The following EYS variants were observed in gnomAD, a reference collection of about 807,000 sequenced individuals.
The protein encoded by EYS is EGF-like photoreceptor maintenance factor, also known as protein eyes shut homolog.
In EYS, 250 loss-of-function variants were observed where a neutral mutation model predicts 282.1. That is an observed-to-expected ratio of 0.89 (90% CI 0.80 to 0.98). The LOEUF (loss-of-function observed/expected upper bound fraction) is 0.98, where lower values mean the gene tolerates loss of function less well. Among genes scored for constraint, EYS ranks in the 50% least tolerant of loss-of-function variants. The probability of loss-of-function intolerance (pLI) is 0.00; values close to 1 mark genes in which losing one functional copy is unlikely to be tolerated. For missense variants in EYS, 4,016 were observed against 3,709.0 expected (o/e 1.08, Z -2.15); for synonymous variants, 1,355 against 1,282.9 (o/e 1.06, Z -1.20).
At chr6:63,774,457 C>T (rs923827470) in intron 40 of EYS, among the ~76,000 whole-genome samples, 3 of 152,172 alleles carry the variant, frequency 2.0e-5, no homozygotes, top group African/African-American at 7.2e-5. Context: ...GCATGAGCCA[C>T]GATGACAGGG....
At chr6:65,017,887 C>A (rs1373636405) in intron 13 of EYS, among the ~76,000 whole-genome samples, 1 of 152,116 alleles carries the variant, frequency 6.6e-6, no homozygotes, top group Non-Finnish European at 1.5e-5. Context: ...AGAGGCCAAA[C>A]TTCCTGGAAC....
intron 4 of EYS, chr6:65,491,444 T>C: frequency 3.2e-6 from 1 of 311,098 alleles, no homozygotes; most frequent in South Asian, 2.8e-5. Context: ...TTTGGCAATA[T>C]GTTTTTTTCC....
chr6:64,577,415 T>G (rs919748277), intron 26 of EYS, among the ~76,000 whole-genome samples: 1 of 152,028 alleles, frequency 6.6e-6, no homozygotes, highest in Non-Finnish European at 1.5e-5. Context: ...ACCTCTGCTC[T>G]CTCTCTCAAT....
chr6:65,345,930 G>A (rs1190205736), intron 9 of EYS, among the ~76,000 whole-genome samples: 1 of 151,734 alleles, frequency 6.6e-6, no homozygotes, highest in Non-Finnish European at 1.5e-5. Flanking sequence ...GGTTTAAAAA[G>A]CATCTGAGAA....
At chr6:63,747,758 C>T (rs1769245664) in intron 41 of EYS, among the ~76,000 whole-genome samples, 1 of 152,026 alleles carries the variant, frequency 6.6e-6, no homozygotes, top group African/African-American at 2.4e-5. Flanking sequence ...TTATCAGAGA[C>T]TAGGATTGCA....
At chr6:65,265,071 A>G (rs964480674) in intron 12 of EYS, among the ~76,000 whole-genome samples, 1 of 152,020 alleles carries the variant, frequency 6.6e-6, no homozygotes, top group African/African-American at 2.4e-5. Context: ...ATGGGCAACA[A>G]CAGAAATTGG....
At chr6:65,127,207 T>TA (rs1172209773) in intron 12 of EYS, among the ~76,000 whole-genome samples, 3 of 152,000 alleles carry the variant, frequency 2.0e-5, no homozygotes, top group South Asian at 2.1e-4. Flanking sequence ...AGAAAAATAC[T>TA]AAAAAAATAC....
chr6:64,689,164 C>T (rs1268745369), intron 22 of EYS, among the ~76,000 whole-genome samples: 1 of 152,016 alleles, frequency 6.6e-6, no homozygotes, highest in Non-Finnish European at 1.5e-5. Flanking sequence ...ACAAGCATTC[C>T]TATACACTAA....
At chr6:63,951,714 C>G (rs1182808844) in intron 35 of EYS, among the ~76,000 whole-genome samples, 14 of 152,124 alleles carry the variant, frequency 9.2e-5, no homozygotes, top group Admixed American at 9.2e-4. Flanking sequence ...CCTACCTGCC[C>G]AACAATTTCA....
intron 29 of EYS, among the ~76,000 whole-genome samples, chr6:64,347,952 T>C (rs1771473697): frequency 1.3e-5 from 2 of 151,354 alleles, no homozygotes; most frequent in Admixed American, 1.3e-4. Context: ...ATACACATTT[T>C]TGTATTAAAG....
intron 22 of EYS, among the ~76,000 whole-genome samples, chr6:64,673,966 T>C (rs577359373): frequency 1.3e-5 from 2 of 152,154 alleles, no homozygotes; most frequent in African/African-American, 4.8e-5. Flanking sequence ...AATTTAAAGA[T>C]TTAAACAAAT....
chr6:64,829,483 T>A (rs1765153809), intron 19 of EYS, among the ~76,000 whole-genome samples: 1 of 151,984 alleles, frequency 6.6e-6, no homozygotes, highest in South Asian at 2.1e-4. Flanking sequence ...TTGGCCAGAA[T>A]AACTACTCAA....
At chr6:63,763,879 T>TATATAC (rs1314687275) in intron 40 of EYS, among the ~76,000 whole-genome samples, 166 of 135,032 alleles carry the variant, frequency 1.2e-3, no homozygotes, top group Non-Finnish European at 2.1e-3. Context: ...GTTATATATA[T>TATATAC]ATATATATAT....
In EYS at chr6:63,720,127, A is replaced by G. The variant is rs1328776921; in HGVS notation, c.*469T>C. 6.1e-6 allele frequency: 1 copy of G among 163,064 alleles called. No individual in the cohort carries two copies. The highest frequency in any genetic ancestry group is 1.3e-5 in the Non-Finnish European group (1 of 75,608). The allele number at this position is 163,064 out of a possible 1,614,324, so 10.1% of individuals were successfully genotyped here. On this transcript the variant is annotated 3_prime_UTR_variant, in exon 43 of 43. Transcript: ENST00000503581. ...ATAAGTTGTAGCTAAGCCATGTAAT[A>G]CAATATGGTTACATTGCTTTGTATA...
intron 35 of EYS, among the ~76,000 whole-genome samples, chr6:63,912,175 C>A (rs1430703043): frequency 6.6e-6 from 1 of 152,054 alleles, no homozygotes; most frequent in Non-Finnish European, 1.5e-5. Context: ...TATTTCTTAC[C>A]ATTTTATACC....
At chr6:64,731,635 G>A (rs1771970545) in intron 22 of EYS, among the ~76,000 whole-genome samples, 2 of 152,200 alleles carry the variant, frequency 1.3e-5, no homozygotes, top group Admixed American at 6.5e-5. Context: ...CAGTTAGAAT[G>A]GTGATCATTG....
intron 22 of EYS, among the ~76,000 whole-genome samples, chr6:64,641,215 C>T (rs1403129051): frequency 6.6e-6 from 1 of 152,180 alleles, no homozygotes; most frequent in Non-Finnish European, 1.5e-5. Context: ...GAGCAAGTCC[C>T]TTCTTGCACA....
chr6:64,029,332 G>A (rs1769701415), intron 33 of EYS, among the ~76,000 whole-genome samples: 1 of 152,194 alleles, frequency 6.6e-6, no homozygotes, highest in African/African-American at 2.4e-5. Flanking sequence ...CACTGTTTAA[G>A]GGTAGTTGCA....
chr6:65,381,455 G>A lies in EYS; in HGVS notation c.1299+2931C>T, dbSNP rs555880788. Reference sequence around the variant, plus strand: ...GATAGGGAGGGAAATATCACACACCGAGGCCTGTCGGGCAGAGTGGCAGGA... The same window carrying A: ...GATAGGGAGGGAAATATCACACACCAAGGCCTGTCGGGCAGAGTGGCAGGA... On this transcript the variant is annotated intron_variant, in intron 8 of 42. Coordinates refer to ENST00000503581, the MANE Select transcript of EYS (RefSeq NM_001142800.2). Among the ~76,000 whole-genome samples, 7 of 151,936 alleles carry A rather than the reference G, an allele frequency of 4.6e-5. No individual in the cohort carries two copies. In the South Asian group the frequency reaches 8.3e-4, roughly 18 times the overall value.
Sources: gnomAD v4.1 joint callset for allele counts (sites outside exome capture counted in the v4.1 genomes callset) on GRCh38, gnomAD v4.1.1 for gene constraint, MANE v1.5 for transcripts, NCBI Gene and HGNC (gene_info 2026-07-23, HGNC 2026-07-21) for gene names.